NTN1: variants seen among roughly 807,000 people sequenced by gnomAD.
NTN1 encodes netrin-1.
In NTN1, 11 loss-of-function variants were observed where a neutral mutation model predicts 54.2. That is an observed-to-expected ratio of 0.20 (90% CI 0.13 to 0.34). NTN1 has a LOEUF of 0.34. Among genes scored for constraint, NTN1 ranks in the 10% least tolerant of loss-of-function variants. The pLI is 1.00. For missense variants in NTN1, 740 were observed against 893.1 expected (o/e 0.83, Z 2.18); for synonymous variants, 371 against 382.0 (o/e 0.97, Z 0.33).
Position 9,239,229 on chromosome 17 carries a change from G to C in NTN1, c.1487-411G>C, listed in dbSNP as rs1216377621. Among the ~76,000 whole-genome samples the C allele has an allele frequency of 6.6e-6, 1 of 152,236 alleles. No individual in the cohort carries two copies. The highest frequency in any genetic ancestry group is 1.5e-5 in the Non-Finnish European group (1 of 68,042). On this transcript the variant is annotated intron_variant, in intron 6 of 6. Coordinates refer to ENST00000173229, the MANE Select transcript of NTN1 (RefSeq NM_004822.3). This position sits in a 1 kb window ranked among gnomAD's most constrained non-coding sequence, Gnocchi z 5.2. ...GGAGTGTCATGAGGGCTGGTGTAAA[G>C]TGACTTGGGCCTTTGGAGAAGCGCA...
intron 2 of NTN1, among the ~76,000 whole-genome samples, chr17:9,140,919 C>T (rs1377043199): frequency 2.0e-5 from 3 of 152,068 alleles, no homozygotes; most frequent in Non-Finnish European, 2.9e-5. Context: ...AAAGTAAGAG[C>T]ACTTGGTGAT....
At chr17:9,226,114 A>G (rs1032702563) in intron 6 of NTN1, among the ~76,000 whole-genome samples, 6 of 134,746 alleles carry the variant, frequency 4.5e-5, no homozygotes, top group African/African-American at 8.4e-5. Context: ...GCCAGAGCCC[A>G]GCTCCCGTAG....
intron 2 of NTN1, among the ~76,000 whole-genome samples, chr17:9,056,950 C>T (rs1031847793): frequency 6.6e-6 from 1 of 152,030 alleles, no homozygotes; most frequent in African/African-American, 2.4e-5. Flanking sequence ...TGCTGTGTGC[C>T]CCCCGTCTCG....
upstream of NTN1, among the ~76,000 whole-genome samples, chr17:9,016,657 C>T (rs1196607203): frequency 6.6e-6 from 1 of 152,206 alleles, no homozygotes; most frequent in Admixed American, 6.5e-5. Context: ...GCTCTAGCCC[C>T]TGGCCTCTCT....
intron 2 of NTN1, among the ~76,000 whole-genome samples, chr17:9,133,754 A>T (rs866015338): frequency 8.6e-5 from 9 of 104,526 alleles, no homozygotes; most frequent in Non-Finnish European, 1.3e-4. Flanking sequence ...TGCCCAGCTA[A>T]TTTTTTTTTT....
chr17:9,140,809 C>A (rs1227137635), intron 2 of NTN1, among the ~76,000 whole-genome samples: 1 of 152,198 alleles, frequency 6.6e-6, no homozygotes, highest in Non-Finnish European at 1.5e-5. Flanking sequence ...CCGGCCAGCT[C>A]TCAGGCAGGC....
chr17:9,055,075 TG>T (rs1430320790), intron 2 of NTN1, among the ~76,000 whole-genome samples: 1 of 152,226 alleles, frequency 6.6e-6, no homozygotes, highest in Non-Finnish European at 1.5e-5. Context: ...GACTGGAATT[TG>T]CTGGGTTTCA....
chr17:9,222,699 G>T (rs1430268677), intron 6 of NTN1, among the ~76,000 whole-genome samples: 1 of 152,128 alleles, frequency 6.6e-6, no homozygotes, highest in Admixed American at 6.5e-5. Context: ...CTGACCCCGT[G>T]GGGGTCCGGC....
At chr17:9,227,062 C>G (rs532486659) in intron 6 of NTN1, among the ~76,000 whole-genome samples, 1 of 152,120 alleles carries the variant, frequency 6.6e-6, no homozygotes, top group Non-Finnish European at 1.5e-5. Context: ...CCTCCCATCC[C>G]GTCCCCGTGC....
At chr17:9,148,296 C>T (rs1183398845) in intron 2 of NTN1, among the ~76,000 whole-genome samples, 1 of 152,146 alleles carries the variant, frequency 6.6e-6, no homozygotes, top group African/African-American at 2.4e-5. Context: ...TGGTGCTAAG[C>T]AAATAGGAAC....
intron 6 of NTN1, among the ~76,000 whole-genome samples, chr17:9,223,596 G>A (rs1905438055): frequency 6.6e-6 from 1 of 151,946 alleles, no homozygotes; most frequent in Non-Finnish European, 1.5e-5. Context: ...CCCCGGAGCT[G>A]CAGGGACTGC....
chr17:9,023,487 G>C, intron 2 of NTN1, 96 bp downstream of exon 2: 1 of 1,286,102 alleles, frequency 7.8e-7, no homozygotes, highest in Non-Finnish European at 9.9e-7. Context: ...CGCGGGTCGA[G>C]GGAACGGCGG....
At chr17:9,073,919 A>C (rs1270059539) in intron 2 of NTN1, among the ~76,000 whole-genome samples, 1 of 151,952 alleles carries the variant, frequency 6.6e-6, no homozygotes, top group African/African-American at 2.4e-5. Flanking sequence ...GCTGTTTCCT[A>C]CCGTTTTTCA....
At chr17:9,090,153 T>C (rs1408161981) in intron 2 of NTN1, among the ~76,000 whole-genome samples, 1 of 151,650 alleles carries the variant, frequency 6.6e-6, no homozygotes, top group Non-Finnish European at 1.5e-5. Context: ...GGAGCCGGGC[T>C]ACCAAACTCA....
In NTN1 at chr17:9,219,069, A is replaced by G. The variant is rs1467459464; in HGVS notation, c.1412-2099A>G. 1.3e-5 allele frequency among the ~76,000 whole-genome samples: 2 copies of G among 152,210 alleles called. 1 individual carries two copies. Among genetic ancestry groups the G allele is most frequent in the South Asian group, 4.1e-4 (2 of 4,822 alleles). Reference sequence around the variant, plus strand: ...CGCAGAATCGCCAGGACTTACGCACAACCTGGGTTCAGCCCCAGCAGTGGC... The same window carrying G: ...CGCAGAATCGCCAGGACTTACGCACGACCTGGGTTCAGCCCCAGCAGTGGC... On this transcript the variant is annotated intron_variant, in intron 5 of 6. Transcript: ENST00000173229. This position sits in a 1 kb window ranked among gnomAD's most constrained non-coding sequence, Gnocchi z 4.5.
chr17:9,190,745 G>A (rs564135630), intron 5 of NTN1, among the ~76,000 whole-genome samples: 1 of 152,254 alleles, frequency 6.6e-6, no homozygotes, highest in East Asian at 1.9e-4. Flanking sequence ...CCAGCTACTT[G>A]GGAGGCTGAG....
At position 9,123,963 on chromosome 17, in the gene NTN1, G is replaced by GT. The variant is rs553519075; in HGVS notation, c.1019-38842dup. Reference sequence around the variant, plus strand: ...CCTCGCTGGTGAGAGTAAGTCACCTGTTTTTTTTAGAGTTTTTCTTCAGGG... The same window carrying GT: ...CCTCGCTGGTGAGAGTAAGTCACCTGTTTTTTTTTAGAGTTTTTCTTCAGGG... On this transcript the variant is annotated intron_variant, in intron 2 of 6. Coordinates refer to ENST00000173229, the MANE Select transcript of NTN1 (RefSeq NM_004822.3). Among the ~76,000 whole-genome samples, 729 of 152,064 alleles carry GT rather than the reference G, an allele frequency of 4.8e-3. 1 individual carries two copies. Among genetic ancestry groups the GT allele is most frequent in the Non-Finnish European group, 7.0e-3 (479 of 67,974 alleles).
chr17:9,169,732 G>GCA (rs2092382242), intron 3 of NTN1, among the ~76,000 whole-genome samples: 1 of 152,242 alleles, frequency 6.6e-6, no homozygotes, highest in African/African-American at 2.4e-5. Flanking sequence ...GGGTGTGGTG[G>GCA]CGCATGCCTG....
the NTN1 span, among the ~76,000 whole-genome samples, chr17:9,011,100 A>G: frequency 6.6e-6 from 1 of 152,132 alleles, no homozygotes; most frequent in Non-Finnish European, 1.5e-5. Flanking sequence ...TTCTGTGAGA[A>G]TCTAACGCAG....
Sources: gnomAD v4.1 joint callset for allele counts (sites outside exome capture counted in the v4.1 genomes callset) on GRCh38, gnomAD v4.1.1 for gene constraint, Gnocchi (gnomAD v3.1) non-coding constraint, MANE v1.5 for transcripts, NCBI Gene and HGNC (gene_info 2026-07-23, HGNC 2026-07-21) for gene names.